CNTN4: variants seen among roughly 807,000 people sequenced by gnomAD.
The protein encoded by CNTN4 is contactin 4, also known as contactin-4.
In CNTN4, 77 loss-of-function variants were observed where a neutral mutation model predicts 122.5. The observed-to-expected ratio is 0.63, with a 90% CI of 0.52 to 0.76. The LOEUF (loss-of-function observed/expected upper bound fraction) is 0.76, where lower values mean the gene tolerates loss of function less well. Ranked by LOEUF, CNTN4 falls within the 30% of genes least tolerant of loss-of-function variation. The pLI, the probability that CNTN4 is intolerant of heterozygous loss-of-function variation, is 0.00. For missense variants in CNTN4, 1,256 were observed against 1,259.1 expected, an observed-to-expected ratio of 1.00 and a Z score of 0.04; for synonymous variants, 512 against 447.0, an observed-to-expected ratio of 1.15 and a Z score of -1.83.
intron 5 of CNTN4, among the ~76,000 whole-genome samples, chr3:2,737,376 C>T (rs1367178320): frequency 6.6e-6 from 1 of 152,184 alleles, no homozygotes; most frequent in Non-Finnish European, 1.5e-5. Flanking sequence ...CCACCACGCC[C>T]AGCCCGTAAA....
At chr3:2,100,456 G>A (rs1027797125) in intron 1 of CNTN4, 102 bp from the exon 2 acceptor site, 1 of 152,144 alleles carries the variant, frequency 6.6e-6, no homozygotes, top group South Asian at 2.1e-4. Flanking sequence ...TGGGGTAGGA[G>A]CGTAAAGACT....
intron 2 of CNTN4, among the ~76,000 whole-genome samples, chr3:2,313,978 A>T (rs568124123): frequency 1.9e-3 from 290 of 152,212 alleles, no homozygotes; most frequent in African/African-American, 6.7e-3. Context: ...GCCCTTATTT[A>T]TACCTATGAA....
chr3:2,804,998 A>C (rs2150090541), intron 6 of CNTN4, among the ~76,000 whole-genome samples: 1 of 151,962 alleles, frequency 6.6e-6, no homozygotes, highest in East Asian at 1.9e-4. Flanking sequence ...AACAAGGTGA[A>C]ATCCCATCTC....
At chr3:2,136,405 A>G (rs2034694887) in intron 2 of CNTN4, among the ~76,000 whole-genome samples, 2 of 152,224 alleles carry the variant, frequency 1.3e-5, no homozygotes, top group African/African-American at 4.8e-5. Context: ...CTGAATTATT[A>G]GGAGAAACTG....
chr3:2,447,753 A>G (rs989538721), intron 3 of CNTN4, among the ~76,000 whole-genome samples: 1 of 152,152 alleles, frequency 6.6e-6, no homozygotes, highest in Non-Finnish European at 1.5e-5. Flanking sequence ...ACATATCTAT[A>G]CTCAATACAT....
At chr3:2,118,417 G>A (rs2033515939) in intron 2 of CNTN4, among the ~76,000 whole-genome samples, 1 of 152,166 alleles carries the variant, frequency 6.6e-6, no homozygotes, top group African/African-American at 2.4e-5. Flanking sequence ...TTTATTGCAA[G>A]GAAGGTGAAT....
intron 12 of CNTN4, among the ~76,000 whole-genome samples, chr3:2,920,594 A>G (rs2094418895): frequency 1.3e-5 from 2 of 152,108 alleles, no homozygotes; most frequent in South Asian, 2.1e-4. Flanking sequence ...TTTTCAAACA[A>G]TGATGTGTTT....
rs115716328 is a variant in CNTN4 at position 2,889,813 on chromosome 3, C to T, written c.940+2589C>T. Among the ~76,000 whole-genome samples the T allele has an allele frequency of 2.9e-3, 434 of 152,210 alleles. 3 individuals are homozygous for T. The highest frequency in any genetic ancestry group is 9.7e-3 in the African/African-American group (403 of 41,516). On this transcript the variant is annotated intron_variant, in intron 10 of 24. Coordinates refer to ENST00000418658, the MANE Select transcript of CNTN4 (RefSeq NM_175607.3). Reference sequence around the variant, plus strand: ...TATGAAATTTTCTGCAACCAGGGGTCGGCATACTGCTTTCCTGTGGGTTAG... The same window carrying T: ...TATGAAATTTTCTGCAACCAGGGGTTGGCATACTGCTTTCCTGTGGGTTAG...
At chr3:2,536,055 G>T (rs2077791425) in intron 3 of CNTN4, among the ~76,000 whole-genome samples, 1 of 152,142 alleles carries the variant, frequency 6.6e-6, no homozygotes, top group Admixed American at 6.6e-5. Flanking sequence ...GTAGACGGAA[G>T]ATCTGATTGC....
chr3:2,552,071 T>G (rs941297988), intron 3 of CNTN4, among the ~76,000 whole-genome samples: 2 of 152,156 alleles, frequency 1.3e-5, no homozygotes, highest in African/African-American at 4.8e-5. Context: ...TCTCAATATA[T>G]AAAGTGAGGC....
At chr3:2,217,815 A>G (rs1253047691) in intron 2 of CNTN4, among the ~76,000 whole-genome samples, 1 of 152,220 alleles carries the variant, frequency 6.6e-6, no homozygotes, top group Non-Finnish European at 1.5e-5. Flanking sequence ...AACTTTTTGC[A>G]CCAGTTGAGA....
chr3:2,854,118 T>C (rs999614671), intron 7 of CNTN4, among the ~76,000 whole-genome samples: 2 of 152,104 alleles, frequency 1.3e-5, no homozygotes, highest in African/African-American at 4.8e-5. Context: ...AAAATACCTT[T>C]ATTTTGAAAA....
At chr3:2,305,254 A>G (rs1449119262) in intron 2 of CNTN4, among the ~76,000 whole-genome samples, 1 of 152,166 alleles carries the variant, frequency 6.6e-6, no homozygotes, top group Non-Finnish European at 1.5e-5. Context: ...TTTCTTACCT[A>G]TTAGAGAATG....
Position 2,268,513 on chromosome 3 carries a change from T to A in CNTN4, c.-144-70665T>A, listed in dbSNP as rs1472551070. Among the ~76,000 whole-genome samples, 667 of 152,250 alleles carry A rather than the reference T, an allele frequency of 4.4e-3. 9 individuals are homozygous for A. Among genetic ancestry groups the A allele is most frequent in the African/African-American group, 0.015 (641 of 41,546 alleles). ...TGATTCTTTTATTATATTAATAGTA[T>A]CTGTTACATAATATTAACTCAGTAA... On this transcript the variant is annotated intron_variant, in intron 2 of 24. Coordinates refer to ENST00000418658, the MANE Select transcript of CNTN4 (RefSeq NM_175607.3).
chr3:2,365,631 CTGAGA>C (rs1257112381), intron 3 of CNTN4, among the ~76,000 whole-genome samples: 2 of 152,136 alleles, frequency 1.3e-5, no homozygotes, highest in Non-Finnish European at 2.9e-5. Context: ...CAAAGTGAGG[CTGAGA>C]TGAGATGTGA....
intron 4 of CNTN4, among the ~76,000 whole-genome samples, chr3:2,683,967 T>C (rs148043449): frequency 2.6e-5 from 4 of 152,248 alleles, no homozygotes; most frequent in Non-Finnish European, 4.4e-5. Context: ...GTCTTAAGCC[T>C]ACAAATTTGA....
At chr3:2,401,630 G>A (rs1430641476) in intron 3 of CNTN4, among the ~76,000 whole-genome samples, 2 of 152,070 alleles carry the variant, frequency 1.3e-5, no homozygotes. Flanking sequence ...TTCAAGACTA[G>A]AGAGGCAAAC....
At chr3:2,333,266 C>T (rs1182494775) in intron 2 of CNTN4, among the ~76,000 whole-genome samples, 1 of 152,172 alleles carries the variant, frequency 6.6e-6, no homozygotes, top group Admixed American at 6.5e-5. Flanking sequence ...ATTAGACTTC[C>T]AGAAACATAG....
At chr3:2,254,251 T>C (rs2040490511) in intron 2 of CNTN4, among the ~76,000 whole-genome samples, 1 of 152,122 alleles carries the variant, frequency 6.6e-6, no homozygotes, top group Non-Finnish European at 1.5e-5. Flanking sequence ...TAGTATTCCA[T>C]GGTGTATATG....
Sources: gnomAD v4.1 joint callset for allele counts (sites outside exome capture counted in the v4.1 genomes callset) on GRCh38, gnomAD v4.1.1 for gene constraint, MANE v1.5 for transcripts, NCBI Gene and HGNC (gene_info 2026-07-23, HGNC 2026-07-21) for gene names.